RAD21: variants seen among roughly 807,000 people sequenced by gnomAD.
RAD21 encodes the protein RAD21 cohesin complex component, also known as double-strand-break repair protein rad21 homolog.
A neutral mutation model predicts 71.5 loss-of-function variants in RAD21; 18 were observed. That is an observed-to-expected ratio of 0.25 (90% CI 0.17 to 0.37). RAD21 has a LOEUF of 0.37. Ranked by LOEUF, RAD21 falls within the 10% of genes least tolerant of loss-of-function variation. The pLI is 1.00. For missense variants in RAD21, 493 were observed against 769.1 expected, an observed-to-expected ratio of 0.64 and a Z score of 4.25; for synonymous variants, 248 against 254.0, an observed-to-expected ratio of 0.98 and a Z score of 0.22.
chr8:116,860,823 A>T (rs1243237650), intron 4 of RAD21, among the ~76,000 whole-genome samples: 1 of 152,160 alleles, frequency 6.6e-6, no homozygotes, highest in Admixed American at 6.6e-5. Flanking sequence ...TGGAGGCTTT[A>T]AAAATTCTTT....
rs576675694 is a variant in RAD21, at chr8:116,859,394, A to T, written c.375-936T>A. Among the ~76,000 whole-genome samples, 13 of 151,684 alleles carry T rather than the reference A, an allele frequency of 8.6e-5. No homozygotes were observed. In the East Asian group the frequency reaches 2.1e-3, roughly 25 times the overall value. ...GTGATCTTGATTAGTGATCTTTAAAATTTTTTTCCTTATTTTTTAGTAGAC... is the reference window on the plus strand; with the variant it reads ...GTGATCTTGATTAGTGATCTTTAAATTTTTTTTCCTTATTTTTTAGTAGAC... On this transcript the variant is annotated intron_variant, in intron 4 of 13. Coordinates refer to ENST00000297338, the MANE Select transcript of RAD21 (RefSeq NM_006265.3).
chr8:116,861,525 A>G, intron 4 of RAD21, among the ~76,000 whole-genome samples: 1 of 151,714 alleles, frequency 6.6e-6, no homozygotes, highest in East Asian at 1.9e-4. Context: ...TCTGAAAAAT[A>G]TCATGAAGCA....
At position 116,847,703 on chromosome 8, in the gene RAD21, C is replaced by T. The variant is rs189362023; in HGVS notation, c.1705-12G>A. The T allele has an allele frequency of 1.4e-4, 217 of 1,593,218 alleles. No individual in the cohort carries two copies. The highest frequency in any genetic ancestry group is 1.0e-3 in the Middle Eastern group (6 of 5,908). On this transcript the variant is annotated splice_polypyrimidine_tract_variant and intron_variant, in intron 13 of 13. Transcript: ENST00000297338. ...TTAGCAAGAGCACGCTGAAATAAAA[C>T]CAAAAAAGGGTAACTTAATCTGTAT...
At chr8:116,847,952 G>A (rs906621524) in intron 13 of RAD21, among the ~76,000 whole-genome samples, 6 of 152,112 alleles carry the variant, frequency 3.9e-5, no homozygotes, top group African/African-American at 7.2e-5. Context: ...GTTTAAAAGC[G>A]CCTAGCCATC....
chr8:116,856,134 T>C (rs371205553), intron 8 of RAD21, 32 bp downstream of exon 8: 45 of 1,597,178 alleles, frequency 2.8e-5, no homozygotes, highest in Non-Finnish European at 3.7e-5. Flanking sequence ...TTATGTTGTA[T>C]GCTGTATAAA....
chr8:116,850,836 T>G, intron 11 of RAD21, 69 bp from the exon 12 acceptor site: 1 of 1,112,914 alleles, frequency 9.0e-7, no homozygotes, highest in Non-Finnish European at 1.3e-6. Flanking sequence ...AATATGAAAA[T>G]ACACAGTGGC....
chr8:116,870,025 T>G (rs1313699656), intron 1 of RAD21, among the ~76,000 whole-genome samples: 2 of 152,180 alleles, frequency 1.3e-5, no homozygotes, highest in Non-Finnish European at 2.9e-5. Flanking sequence ...GGTGGGGGGC[T>G]GTGGTGCAAG....
intron 11 of RAD21, 47 bp downstream of exon 11, chr8:116,851,901 T>G: frequency 6.4e-7 from 1 of 1,553,494 alleles, no homozygotes; most frequent in South Asian, 1.2e-5. Flanking sequence ...TGCTACTGAC[T>G]GTATGAATAC....
Position 116,847,467 on chromosome 8 carries a change from G to A in RAD21, c.*33C>T, listed in dbSNP as rs771689646. The A allele has an allele frequency of 1.7e-5, 26 of 1,553,880 alleles. No individual in the cohort carries two copies. The South Asian group carries it at 3.1e-4, about 19-fold the overall frequency. On this transcript the variant is annotated 3_prime_UTR_variant, in exon 14 of 14. Transcript: ENST00000297338. ...ATGGGGGCAATTTGTAAGCACTAGT[G>A]AATCAAACACTAGCTATAATGCTTC... is the stretch of plus-strand genomic sequence containing the variant.
chr8:116,872,332 A>C (rs1374298), intron 1 of RAD21, among the ~76,000 whole-genome samples: 24,940 of 152,116 alleles, frequency 0.16, 2,489 homozygotes, highest in East Asian at 0.37. Flanking sequence ...CAACATTTGT[A>C]CTAACATGGA....
In RAD21 at chr8:116,856,235, T is replaced by C. The variant is rs761253664; in HGVS notation, c.868A>G (p.Met290Val). 17 of 1,596,714 alleles carry C rather than the reference T, an allele frequency of 1.1e-5. No individual in the cohort carries two copies. Among genetic ancestry groups the C allele is most frequent in the South Asian group, 3.4e-5 (3 of 89,376 alleles). Residue 290 changes from methionine to valine, a missense_variant, in exon 8 of 14, where the codon ATG (methionine) becomes GTG (valine). Transcript: ENST00000297338. ...GGAACAAGTGTTGTTTGATCAGTCATGGTTGGCATTGGTTCAACGGGATCC... is the reference window on the plus strand; with the variant it reads ...GGAACAAGTGTTGTTTGATCAGTCACGGTTGGCATTGGTTCAACGGGATCC... ...SVDPVEPMPT[M>V]TDQTTLVPNE...
chr8:116,858,525 C>T, intron 4 of RAD21, 67 bp from the exon 5 acceptor site: 2 of 1,296,266 alleles, frequency 1.5e-6, no homozygotes, highest in Non-Finnish European at 2.2e-6. Context: ...TCCCAATTCT[C>T]TCTATAAGAA....
chr8:116,857,417 C>G lies in RAD21; in HGVS notation c.538G>C (p.Asp180His), dbSNP rs1812492159. ...IMREGSAFEDDDMLVSTTTSN... is the reference protein window; with the variant it reads ...IMREGSAFEDHDMLVSTTTSN... ...GTAGTAGTGCTTACTAACATGTCGT[C>G]ATCCTCAAAAGCACTGCCTTCTCTC... The change falls in exon 6 of 14, where the codon GAC becomes CAC. Residue 180 changes from aspartate (D) to histidine (H), a missense_variant. Asp to His is a moderately conservative substitution (Grantham distance 81, BLOSUM62 -1). Coordinates refer to ENST00000297338, the MANE Select transcript of RAD21 (RefSeq NM_006265.3). The G allele has an allele frequency of 4.3e-6, 7 of 1,613,436 alleles. No homozygotes were observed. Among genetic ancestry groups the G allele is most frequent in the Non-Finnish European group, 5.9e-6 (7 of 1,179,740 alleles).
At chr8:116,874,546 G>A in intron 1 of RAD21, 65 bp downstream of exon 1, 1 of 281,918 alleles carries the variant, frequency 3.5e-6, no homozygotes, top group Non-Finnish European at 7.0e-6. Context: ...CCCGACGGCA[G>A]AGCGGCGGGG....
At chr8:116,855,155 A>T (rs1175955530) in intron 8 of RAD21, among the ~76,000 whole-genome samples, 3 of 152,190 alleles carry the variant, frequency 2.0e-5, no homozygotes, top group African/African-American at 7.2e-5. Flanking sequence ...ATACAAAAAG[A>T]TGTTACACAG....
intron 9 of RAD21, 30 bp downstream of exon 9, chr8:116,854,215 A>G: frequency 6.7e-7 from 1 of 1,500,550 alleles, no homozygotes; most frequent in Non-Finnish European, 9.2e-7. Context: ...CAAAATGTAT[A>G]TGAAGTAAAA....
At position 116,856,633 on chromosome 8, in the gene RAD21, A is replaced by G. The variant is rs897463337; in HGVS notation, c.814+13T>C. On this transcript the variant is annotated intron_variant, in intron 7 of 13. Coordinates refer to ENST00000297338, the MANE Select transcript of RAD21 (RefSeq NM_006265.3). The stretch of plus-strand genomic sequence containing the variant: ...ACAATCATCCCCAGAATCACTGAAC[A>G]TGAAATGCTTACTTGATACATTATC... The G allele has an allele frequency of 6.3e-7, 1 of 1,575,912 alleles. No homozygotes were observed.
At chr8:116,848,872 A>C in intron 13 of RAD21, 74 bp downstream of exon 13, 1 of 1,165,306 alleles carries the variant, frequency 8.6e-7, no homozygotes, top group Non-Finnish European at 1.2e-6. Context: ...CCAGCATCTA[A>C]CTTTTTTTTT....
intron 1 of RAD21, among the ~76,000 whole-genome samples, chr8:116,872,064 GGA>G (rs1812833464): frequency 6.6e-6 from 1 of 152,008 alleles, no homozygotes; most frequent in Admixed American, 6.6e-5. Flanking sequence ...AAAAATTGTT[GGA>G]GGGGGGGACA....
Sources: allele counts gnomAD v4.1 joint callset (sites outside exome capture counted in the v4.1 genomes callset), GRCh38; gene constraint gnomAD v4.1.1; transcripts MANE v1.5; gene names NCBI Gene and HGNC (gene_info 2026-07-23, HGNC 2026-07-21).